LRRTM4: variants seen among roughly 807,000 people sequenced by gnomAD.
The protein encoded by LRRTM4 is leucine-rich repeat transmembrane neuronal protein 4.
Under a neutral mutation model 47.6 loss-of-function variants are expected in LRRTM4, and 25 were observed. That is an observed-to-expected ratio of 0.53 (90% CI 0.38 to 0.73). The LOEUF (loss-of-function observed/expected upper bound fraction) is 0.73. LRRTM4 is among the 30% of genes least tolerant of loss of function. The probability of loss-of-function intolerance (pLI) is 0.00; values close to 1 mark genes in which losing one functional copy is unlikely to be tolerated. For missense variants in LRRTM4, 638 were observed against 713.4 expected, an observed-to-expected ratio of 0.89 and a Z score of 1.20; for synonymous variants, 311 against 269.5, an observed-to-expected ratio of 1.15 and a Z score of -1.51.
chr2:77,087,534 T>A (rs902172409), intron 3 of LRRTM4, among the ~76,000 whole-genome samples: 1 of 152,242 alleles, frequency 6.6e-6, no homozygotes, highest in Admixed American at 6.5e-5. Context: ...TCAACCAATG[T>A]TTACAGAAAT....
chr2:76,994,043 G>A (rs1677108100), intron 3 of LRRTM4, among the ~76,000 whole-genome samples: 1 of 151,790 alleles, frequency 6.6e-6, no homozygotes, highest in African/African-American at 2.4e-5. Context: ...ACTTATAAGT[G>A]GCAGCTAAAC....
At chr2:77,430,490 G>T (rs1675322302) in intron 3 of LRRTM4, among the ~76,000 whole-genome samples, 1 of 152,068 alleles carries the variant, frequency 6.6e-6, no homozygotes, top group Non-Finnish European at 1.5e-5. Flanking sequence ...GGAAGGCCGA[G>T]GCGGGAGGAT....
chr2:76,975,753 C>A (rs909083822), intron 3 of LRRTM4, among the ~76,000 whole-genome samples: 1 of 151,686 alleles, frequency 6.6e-6, no homozygotes, highest in African/African-American at 2.4e-5. Context: ...CTTGAAGCAT[C>A]CTTCTGATGA....
chr2:77,054,138 G>A (rs543539207), intron 3 of LRRTM4, among the ~76,000 whole-genome samples: 1 of 150,310 alleles, frequency 6.7e-6, no homozygotes, highest in African/African-American at 2.5e-5. Context: ...GCAATCTCAA[G>A]GAGTTGTTCT....
intron 3 of LRRTM4, among the ~76,000 whole-genome samples, chr2:77,361,558 A>T (rs1398857142): frequency 1.3e-5 from 2 of 152,214 alleles, no homozygotes; most frequent in Non-Finnish European, 2.9e-5. Context: ...GTGGTCCCAC[A>T]TATCCTCTTC....
At chr2:77,017,420 C>CT (rs1247307936) in intron 3 of LRRTM4, among the ~76,000 whole-genome samples, 2 of 152,130 alleles carry the variant, frequency 1.3e-5, no homozygotes, top group Non-Finnish European at 2.9e-5. Context: ...TTTATCTTTT[C>CT]TTTTTAATTT....
intron 3 of LRRTM4, among the ~76,000 whole-genome samples, chr2:76,762,664 A>G (rs1673300041): frequency 1.3e-5 from 2 of 152,192 alleles, no homozygotes; most frequent in Admixed American, 1.3e-4. Context: ...TCATTGATTT[A>G]GACTAATTAA....
At chr2:77,049,396 G>A (rs1679351526) in intron 3 of LRRTM4, among the ~76,000 whole-genome samples, 2 of 151,232 alleles carry the variant, frequency 1.3e-5, no homozygotes, top group African/African-American at 4.9e-5. Context: ...TAATGGCTGT[G>A]CTAATTTACA....
At chr2:77,307,577 T>C (rs1265341527) in intron 3 of LRRTM4, among the ~76,000 whole-genome samples, 1 of 126,678 alleles carries the variant, frequency 7.9e-6, no homozygotes, top group Non-Finnish European at 1.6e-5. Flanking sequence ...TATAGATATA[T>C]CTATATATTA....
At chr2:76,864,661 A>AG (rs368489349) in intron 3 of LRRTM4, among the ~76,000 whole-genome samples, 1,879 of 130,968 alleles carry the variant, frequency 0.014, 42 homozygotes, top group African/African-American at 0.058. Context: ...ACTCCATCCC[A>AG]AAAAAAAAAA....
chr2:77,405,225 T>C (rs1377638086), intron 3 of LRRTM4, among the ~76,000 whole-genome samples: 2 of 152,094 alleles, frequency 1.3e-5, no homozygotes, highest in East Asian at 3.9e-4. Flanking sequence ...TTCATTTTGA[T>C]TTATGGGCAA....
rs573290045 is a variant in LRRTM4 at position 77,158,433 on chromosome 2, A to G, written c.1551+359885T>C. Among the ~76,000 whole-genome samples, 189 of 152,300 alleles carry G rather than the reference A, an allele frequency of 1.2e-3. 1 individual carries two copies. Among genetic ancestry groups the G allele is most frequent in the Non-Finnish European group, 1.5e-3 (99 of 68,014 alleles). On this transcript the variant is annotated intron_variant, in intron 3 of 3. Coordinates refer to ENST00000409884, the MANE Select transcript of LRRTM4 (RefSeq NM_001134745.3). ...TTGGGGAAATAAACACTTTATCAAT[A>G]TATTTGGAATGTTGCCTGTTACATT... is the stretch of plus-strand genomic sequence containing the variant.
At chr2:77,038,978 C>T (rs1342631253) in intron 3 of LRRTM4, among the ~76,000 whole-genome samples, 1 of 151,130 alleles carries the variant, frequency 6.6e-6, no homozygotes, top group Non-Finnish European at 1.5e-5. Context: ...AATTGCAATA[C>T]TAAAGGTCCA....
chr2:76,791,919 A>G lies in LRRTM4; in HGVS notation c.1552-43003T>C, dbSNP rs564486394. On this transcript the variant is annotated intron_variant, in intron 3 of 3. Transcript: ENST00000409884. ...GGAAAAGCAAAATGAAAAACCAGACAAAAAATTCTTAACTAGCTTAGCCTA... is the reference window on the plus strand; with the variant it reads ...GGAAAAGCAAAATGAAAAACCAGACGAAAAATTCTTAACTAGCTTAGCCTA... 3.3e-5 allele frequency among the ~76,000 whole-genome samples: 5 copies of G among 152,308 alleles called. No individual in the cohort carries two copies. In the South Asian group the frequency reaches 1.0e-3, roughly 32 times the overall value.
intron 3 of LRRTM4, among the ~76,000 whole-genome samples, chr2:77,059,661 C>G (rs1179913124): frequency 6.6e-6 from 1 of 152,102 alleles, no homozygotes; most frequent in African/African-American, 2.4e-5. Flanking sequence ...TGTTCTGTAC[C>G]AAGTAATTAA....
intron 3 of LRRTM4, among the ~76,000 whole-genome samples, chr2:77,024,863 A>G (rs563750529): frequency 2.3e-4 from 35 of 152,292 alleles, no homozygotes; most frequent in African/African-American, 8.2e-4. Context: ...AATAAGGATT[A>G]TATCTTGTTG....
chr2:77,473,121 T>A (rs1573461210), intron 3 of LRRTM4, among the ~76,000 whole-genome samples: 1 of 152,196 alleles, frequency 6.6e-6, no homozygotes, highest in East Asian at 1.9e-4. Flanking sequence ...TTTCTGCAGT[T>A]TAGGGGACAT....
chr2:77,026,196 A>G (rs922584078), intron 3 of LRRTM4, among the ~76,000 whole-genome samples: 2 of 152,206 alleles, frequency 1.3e-5, no homozygotes, highest in African/African-American at 2.4e-5. Context: ...GATTTATTAC[A>G]GTGAGGAAAA....
chr2:76,863,648 G>A (rs115517400), intron 3 of LRRTM4, among the ~76,000 whole-genome samples: 1,540 of 152,118 alleles, frequency 0.01, 25 homozygotes, highest in African/African-American at 0.035. Flanking sequence ...CCCTTTCCTT[G>A]TCTAAAGCTA....
Sources: allele counts gnomAD v4.1 joint callset (sites outside exome capture counted in the v4.1 genomes callset), GRCh38; gene constraint gnomAD v4.1.1; transcripts MANE v1.5; gene names NCBI Gene and HGNC (gene_info 2026-07-23, HGNC 2026-07-21).